POLD2: variants seen among roughly 807,000 people sequenced by gnomAD.
POLD2 encodes DNA polymerase delta subunit 2.
In POLD2, 31 loss-of-function variants were observed where a neutral mutation model predicts 48.8. The observed-to-expected ratio is 0.64, with a 90% confidence interval of 0.48 to 0.86. The LOEUF is 0.86. POLD2 is among the 40% of genes least tolerant of loss of function. POLD2 has a pLI of 0.00. For missense variants in POLD2, 455 were observed against 610.1 expected (o/e 0.75, Z 2.68); for synonymous variants, 233 against 256.3 (o/e 0.91, Z 0.87).
intron 5 of POLD2, 48 bp downstream of exon 5, chr7:44,117,085 A>G (rs375792659): frequency 1.2e-5 from 20 of 1,609,862 alleles, no homozygotes; most frequent in African/African-American, 1.1e-4. Context: ...CAACTCAAAG[A>G]TTCCACTGAC....
Position 44,115,408 on chromosome 7 carries a change from G to C in POLD2, c.1148-12C>G. 6.5e-7 allele frequency: 1 copy of C among 1,549,574 alleles called. No individual in the cohort carries two copies. The highest frequency in any genetic ancestry group is 1.1e-5 in the South Asian group (1 of 89,864). ...GAAGGGGTAACAACCTGGAGGAGAA[G>C]GGGCAGCTCTGAGGAGGGTTCCGCC... On this transcript the variant is annotated splice_polypyrimidine_tract_variant and intron_variant, in intron 9 of 10. Transcript: ENST00000610533.
At chr7:44,118,244 C>T (rs2096243414) in intron 2 of POLD2, 180 bp from the exon 3 acceptor site, 2 of 622,092 alleles carry the variant, frequency 3.2e-6, no homozygotes, top group Admixed American at 3.2e-5. Context: ...GAGTCAGCCA[C>T]AGGAGACCAG....
Position 44,117,635 on chromosome 7 carries a change from C to A in POLD2, c.450G>T (p.Val150=), listed in dbSNP as rs144562659. 3.6e-4 allele frequency: 576 copies of A among 1,606,484 alleles called. 6 individuals carry two copies. Among genetic ancestry groups the A allele is most frequent in the Non-Finnish European group, 7.8e-5 (92 of 1,176,364 alleles). The part of the protein sequence containing the change: ...QRIKLKGTID[V]SKLVTGTVLA... ...GCTCCCTACCCGTAACCAGCTTTGA[C>A]ACGTCAATGGTGCCTTTTAGTTTGA... Residue 150 remains valine, a synonymous_variant, in exon 4 of 11, where the codon GTG becomes GTT. Transcript: ENST00000610533.
rs2096241800 is a variant in POLD2, at chr7:44,117,352, T to A, written c.467-105A>T. ...AGCCAGTTCTCCACAACCACATTGG[T>A]GAATTCTCACCTAGGACTCCAGGAT... On this transcript the variant is annotated intron_variant, in intron 4 of 10. Transcript: ENST00000610533. The A allele has an allele frequency of 5.9e-6, 5 of 841,636 alleles. No homozygotes were observed. In the Admixed American group the frequency reaches 1.0e-4, roughly 17 times the overall value. 52.1% of individuals were successfully genotyped at this position (841,636 alleles called of 1,614,324 possible). A position where few individuals can be genotyped will look rare whatever the true frequency, so the allele number is the denominator to read the frequency against.
In POLD2 at chr7:44,116,191, T is replaced by C. The variant is rs1224141668; in HGVS notation, c.943A>G (p.Met315Val). 2.5e-6 allele frequency: 4 copies of C among 1,613,922 alleles called. No homozygotes were observed. The highest frequency in any genetic ancestry group is 3.4e-6 in the Non-Finnish European group (4 of 1,180,006). The change falls in exon 8 of 11, where the codon ATG becomes GTG. Residue 315 changes from methionine (M) to valine (V), a missense_variant. Transcript: ENST00000610533. The surrounding 1 kb of genome is among the most constrained non-coding windows in gnomAD (Gnocchi z 6.1). The part of the protein sequence containing the change: ...TLPQQPLHPC[M>V]FPLATAYSTL... ...GAGTAGGCAGTGGCCAGCGGGAACA[T>C]GCAGGGGTGGAGGGGCTGCTGGGGG...
rs920802702 is a variant in POLD2 at position 44,122,172 on chromosome 7, G to C, written c.-56-63C>G. On this transcript the variant is annotated intron_variant, in intron 1 of 10. Transcript: ENST00000610533. ...ATCCCCCAAAGCAGCAGCTCTCCTGGTGTCTCACTGCACCCAAAGGATACT... is the reference window on the plus strand; with the variant it reads ...ATCCCCCAAAGCAGCAGCTCTCCTGCTGTCTCACTGCACCCAAAGGATACT... 7 of 1,472,548 alleles carry C rather than the reference G, an allele frequency of 4.8e-6. No individual in the cohort carries two copies. The African/African-American group carries it at 9.8e-5, about 21-fold the overall frequency. The allele number at this position is 1,472,548 out of a possible 1,614,324, so 91.2% of individuals were successfully genotyped here. A position where few individuals can be genotyped will look rare whatever the true frequency, so the allele number is the denominator to read the frequency against.
chr7:44,118,794 C>T (rs970312025), intron 2 of POLD2, among the ~76,000 whole-genome samples: 8 of 152,108 alleles, frequency 5.3e-5, no homozygotes, highest in Non-Finnish European at 1.2e-4. Flanking sequence ...GCTGGGATTA[C>T]AGTCGTGAGC....
chr7:44,117,284 C>G (rs2096241590), intron 4 of POLD2, 37 bp from the exon 5 acceptor site: 1 of 1,446,380 alleles, frequency 6.9e-7, no homozygotes, highest in African/African-American at 1.4e-5. Context: ...GCAGGGAGCC[C>G]CAGGTGCTAC....
At position 44,121,788 on chromosome 7, in the gene POLD2, G is replaced by A. The variant is rs573815526; in HGVS notation, c.220+46C>T. 6.4e-7 allele frequency: 1 copy of A among 1,574,254 alleles called. No homozygotes were observed. The highest frequency in any genetic ancestry group is 8.7e-7 in the Non-Finnish European group (1 of 1,155,112). On this transcript the variant is annotated intron_variant, in intron 2 of 10. Transcript: ENST00000610533. The surrounding 1 kb of genome is among the most constrained non-coding windows in gnomAD (Gnocchi z 4.5). ...CCATTCTCTTGCAGAACACTTCTAA[G>A]TTCAGGGATGCTGTGGGGGAAGCAC...
chr7:44,124,049 G>C (rs1231800437), upstream of POLD2, among the ~76,000 whole-genome samples: 1 of 152,210 alleles, frequency 6.6e-6, no homozygotes, highest in Non-Finnish European at 1.5e-5. Context: ...TCTTCCTGAA[G>C]GGATGGCGCG....
chr7:44,116,295 A>T lies in POLD2; in HGVS notation c.862-23T>A. 1.3e-6 allele frequency: 2 copies of T among 1,599,052 alleles called. No individual in the cohort carries two copies. Among genetic ancestry groups the T allele is most frequent in the Non-Finnish European group, 1.7e-6 (2 of 1,171,152 alleles). On this transcript the variant is annotated intron_variant, in intron 7 of 10. Coordinates refer to ENST00000610533, the MANE Select transcript of POLD2 (RefSeq NM_006230.4). The surrounding 1 kb of genome is among the most constrained non-coding windows in gnomAD (Gnocchi z 6.1). ...GGCCTGGAAGGCACAGGGCAGGGAG[A>T]GCTCACAGGGCCCCGAAGGAGCCCC...
intron 4 of POLD2, 94 bp downstream of exon 4, chr7:44,117,525 C>G (rs924033953): frequency 1.4e-5 from 21 of 1,469,022 alleles, no homozygotes; most frequent in African/African-American, 4.2e-5. Context: ...CACACCCCCC[C>G]ACTCCCCCCA....
intron 1 of POLD2, 82 bp downstream of exon 1, chr7:44,123,429 C>T: frequency 6.8e-7 from 1 of 1,480,702 alleles, no homozygotes; most frequent in Non-Finnish European, 8.9e-7. Context: ...CGCCAAGACA[C>T]CAGCCCACCG....
In POLD2 at chr7:44,121,214, A is replaced by T. The variant is rs938014482; in HGVS notation, c.220+620T>A. Among the ~76,000 whole-genome samples, 2 of 152,066 alleles carry T rather than the reference A, an allele frequency of 1.3e-5. No individual in the cohort carries two copies. The highest frequency in any genetic ancestry group is 4.8e-5 in the African/African-American group (2 of 41,392). ...GCAGCAGCACCTAAAACTCAAATAAACTCAAAGGGGGAGATGGGGGTCCCT... is the reference window on the plus strand; with the variant it reads ...GCAGCAGCACCTAAAACTCAAATAATCTCAAAGGGGGAGATGGGGGTCCCT... On this transcript the variant is annotated intron_variant, in intron 2 of 10. Coordinates refer to ENST00000610533, the MANE Select transcript of POLD2 (RefSeq NM_006230.4). This position sits in a 1 kb window ranked among gnomAD's most constrained non-coding sequence, Gnocchi z 4.5.
Position 44,116,843 on chromosome 7 carries a change from T to C in POLD2, c.754A>G (p.Thr252Ala). 1 of 1,613,776 alleles carries C rather than the reference T, an allele frequency of 6.2e-7. No individual in the cohort carries two copies. The highest frequency in any genetic ancestry group is 8.5e-7 in the Non-Finnish European group (1 of 1,179,984). Residue 252 changes from threonine (T) to alanine (A), a missense_variant, in exon 6 of 11, where the codon ACC becomes GCC. Coordinates refer to ENST00000610533, the MANE Select transcript of POLD2 (RefSeq NM_006230.4). This position sits in a 1 kb window ranked among gnomAD's most constrained non-coding sequence, Gnocchi z 6.1. ...TTATTGATAGAATCCCTGCTCTGGGTGCTGTGGCTGAGGAGGTTGCCAGCG... is the reference window on the plus strand; with the variant it reads ...TTATTGATAGAATCCCTGCTCTGGGCGCTGTGGCTGAGGAGGTTGCCAGCG... The part of the protein sequence containing the change: ...ILAGNLLSHS[T>A]QSRDSINKAK...
chr7:44,117,848 C>A, intron 3 of POLD2, 95 bp downstream of exon 3: 1 of 1,596,272 alleles, frequency 6.3e-7, no homozygotes, highest in Non-Finnish European at 8.6e-7. Flanking sequence ...TCCATTGTCT[C>A]TGAACCTGCT....
In POLD2 at chr7:44,116,730, G is replaced by C. The variant is rs2096240362; in HGVS notation, c.780+87C>G. The C allele has an allele frequency of 1.4e-6, 2 of 1,446,232 alleles. No homozygotes were observed. The highest frequency in any genetic ancestry group is 1.9e-6 in the Non-Finnish European group (2 of 1,041,534). The allele number at this position is 1,446,232 out of a possible 1,614,324, so 89.6% of individuals were successfully genotyped here. On this transcript the variant is annotated intron_variant, in intron 6 of 10. Transcript: ENST00000610533. The surrounding 1 kb of genome is among the most constrained non-coding windows in gnomAD (Gnocchi z 6.1). ...CCCACCGACCTGCGAGACCTCACAG[G>C]GTACCCTACTCGCCCTGGGGAAGGA...
upstream of POLD2, among the ~76,000 whole-genome samples, chr7:44,123,964 G>C (rs921424274): frequency 6.6e-6 from 1 of 152,258 alleles, no homozygotes; most frequent in African/African-American, 2.4e-5. Flanking sequence ...CCCACTTGTA[G>C]CGATGGCGAC....
At chr7:44,120,722 C>A (rs1410289346) in intron 2 of POLD2, among the ~76,000 whole-genome samples, 1 of 152,162 alleles carries the variant, frequency 6.6e-6, no homozygotes, top group Non-Finnish European at 1.5e-5. Context: ...CTTGCTCTCT[C>A]TCTCCTGCTA....
Sources: gnomAD v4.1 joint callset for allele counts (sites outside exome capture counted in the v4.1 genomes callset) on GRCh38, gnomAD v4.1.1 for gene constraint, Gnocchi (gnomAD v3.1) non-coding constraint, MANE v1.5 for transcripts, NCBI Gene and HGNC (gene_info 2026-07-23, HGNC 2026-07-21) for gene names.